The following DSE variants were observed in gnomAD, a reference collection of about 807,000 sequenced individuals.
The protein encoded by DSE is dermatan sulfate epimerase, also known as dermatan-sulfate epimerase.
A neutral mutation model predicts 84.4 loss-of-function variants in DSE; 36 were observed. That is an observed-to-expected ratio of 0.43 (90% CI 0.33 to 0.56). The LOEUF (loss-of-function observed/expected upper bound fraction) is 0.56, where lower values mean the gene tolerates loss of function less well. Ranked by LOEUF, DSE falls within the 20% of genes least tolerant of loss-of-function variation. The pLI, the probability that DSE is intolerant of heterozygous loss-of-function variation, is 0.06. For synonymous variants in DSE, 410 were observed against 430.1 expected (o/e 0.95, Z 0.58); for missense variants, 862 against 1,169.6 (o/e 0.74, Z 3.84).
chr6:116,396,520 TTTAAATGTACAG>T (rs1208944394), intron 1 of DSE, among the ~76,000 whole-genome samples: 2 of 152,230 alleles, frequency 1.3e-5, no homozygotes, highest in African/African-American at 4.8e-5. Flanking sequence ...AAATTAATAT[TTTAAATGTACAG>T]TAATGCACAA....
chr6:116,350,070 T>A (rs1209447602), intron 2 of DSE, among the ~76,000 whole-genome samples: 1 of 152,232 alleles, frequency 6.6e-6, no homozygotes, highest in Non-Finnish European at 1.5e-5. Context: ...TTTTATAGTG[T>A]TTAGGAATCT....
At chr6:116,400,507 A>C (rs909849330) in intron 2 of DSE, 7 of 152,346 alleles carry the variant, frequency 4.6e-5, no homozygotes, top group Non-Finnish European at 1.0e-4. Flanking sequence ...TTAGAAAAAA[A>C]TCAGTGAATG....
Position 116,435,696 on chromosome 6 carries a change from A to G in DSE, c.1228A>G (p.Ile410Val), listed in dbSNP as rs752910650. Residue 410 changes from isoleucine (I) to valine (V), a missense_variant, in exon 6 of 6, where the codon ATC becomes GTC. Physicochemically the swap from Ile to Val is conservative, Grantham distance 29 (BLOSUM62 3). This residue lies in a region of DSE where 309 missense variants were observed against 516.9 expected (regional missense o/e 0.60). Transcript: ENST00000644252. ...VTYGSALPAE[I>V]NRSFLSFKSG... Reference sequence around the variant, plus strand: ...TTATGGAAGTGCACTACCTGCAGAAATCAATAGATCTTTCCTTTCCTTCAA... The same window carrying G: ...TTATGGAAGTGCACTACCTGCAGAAGTCAATAGATCTTTCCTTTCCTTCAA... 46 of 1,614,132 alleles carry G rather than the reference A, an allele frequency of 2.8e-5. 1 individual carries two copies. The South Asian group carries it at 4.8e-4, about 17-fold the overall frequency.
rs555769030 is a variant in DSE at position 116,335,755 on chromosome 6, CA to C, written c.-53-63442del. ...ACGATAAATAAAAGTGCATTGATAG[CA>C]TAAGTTACTACAAGTCACTTTTCTT... On this transcript the variant is annotated intron_variant, in intron 2 of 3. Transcript: ENST00000430252. Among the ~76,000 whole-genome samples the C allele has an allele frequency of 1.4e-4, 21 of 152,290 alleles. No individual in the cohort carries two copies. In the South Asian group the frequency reaches 4.4e-3, roughly 32 times the overall value.
At chr6:116,304,210 T>C (rs1395178060) in intron 2 of DSE, among the ~76,000 whole-genome samples, 2 of 152,102 alleles carry the variant, frequency 1.3e-5, no homozygotes, top group African/African-American at 4.8e-5. Context: ...AGATACGAAG[T>C]GTCAAAGACT....
At chr6:116,267,452 G>GA (rs1278190240) in intron 2 of DSE, among the ~76,000 whole-genome samples, 9 of 149,070 alleles carry the variant, frequency 6.0e-5, no homozygotes, top group Middle Eastern at 3.4e-3. Context: ...TGAAAAAAAA[G>GA]AAAAAATATT....
chr6:116,406,673 A>AC (rs1447137355), intron 2 of DSE, among the ~76,000 whole-genome samples: 1 of 152,142 alleles, frequency 6.6e-6, no homozygotes, highest in Non-Finnish European at 1.5e-5. Flanking sequence ...AGTTCCTTTT[A>AC]CCTTAGGTAT....
intron 2 of DSE, among the ~76,000 whole-genome samples, chr6:116,406,550 A>G (rs957918986): frequency 1.3e-5 from 2 of 152,240 alleles, no homozygotes; most frequent in African/African-American, 2.4e-5. Flanking sequence ...TGAAATATTC[A>G]CGCCTAACAC....
intron 1 of DSE, among the ~76,000 whole-genome samples, chr6:116,384,006 C>A (rs1780421501): frequency 6.6e-6 from 1 of 152,010 alleles, no homozygotes; most frequent in African/African-American, 2.4e-5. Context: ...CTTTTGAATT[C>A]TCTAGATAAA....
At chr6:116,318,947 A>G (rs559599471) in intron 2 of DSE, among the ~76,000 whole-genome samples, 29 of 152,358 alleles carry the variant, frequency 1.9e-4, no homozygotes, top group African/African-American at 7.0e-4. Context: ...AATAGAGGAC[A>G]GAATGCCCAA....
chr6:116,343,286 G>A (rs2114826324), intron 2 of DSE, among the ~76,000 whole-genome samples: 1 of 152,358 alleles, frequency 6.6e-6, no homozygotes, highest in Admixed American at 6.5e-5. Context: ...CAAAAGCTCT[G>A]AAGACAGTAG....
At chr6:116,272,418 A>G (rs749864682) in intron 2 of DSE, among the ~76,000 whole-genome samples, 1 of 152,214 alleles carries the variant, frequency 6.6e-6, no homozygotes, top group Non-Finnish European at 1.5e-5. Context: ...TTGGCAAGGG[A>G]ATTTCAAAGA....
chr6:116,254,661 A>G (rs1194218519), intron 1 of DSE, among the ~76,000 whole-genome samples: 3 of 152,272 alleles, frequency 2.0e-5, no homozygotes, highest in African/African-American at 7.2e-5. Context: ...AATTTGGCCA[A>G]CATCTACAAA....
At chr6:116,434,889 A>T (rs1784054825) in intron 5 of DSE, among the ~76,000 whole-genome samples, 1 of 152,220 alleles carries the variant, frequency 6.6e-6, no homozygotes, top group Admixed American at 6.5e-5. Context: ...AATGAAAATA[A>T]GAAGTCATTT....
chr6:116,382,493 T>C (rs529016073), intron 1 of DSE, among the ~76,000 whole-genome samples: 1 of 152,336 alleles, frequency 6.6e-6, no homozygotes, highest in Admixed American at 6.5e-5. Flanking sequence ...AAAAGATATT[T>C]TGTTTTCTTC....
intron 2 of DSE, among the ~76,000 whole-genome samples, chr6:116,349,762 T>C (rs573172923): frequency 9.2e-5 from 14 of 152,324 alleles, no homozygotes; most frequent in African/African-American, 2.2e-4. Flanking sequence ...AGGGCAGATA[T>C]GTGAGTAGCT....
At chr6:116,321,155 C>T (rs1445019199) in intron 2 of DSE, among the ~76,000 whole-genome samples, 1 of 152,068 alleles carries the variant, frequency 6.6e-6, no homozygotes, top group Non-Finnish European at 1.5e-5. Flanking sequence ...AAAAAACCTA[C>T]TTATTTATTT....
intron 2 of DSE, among the ~76,000 whole-genome samples, chr6:116,299,270 T>C (rs1238032898): frequency 6.6e-6 from 1 of 152,026 alleles, no homozygotes; most frequent in African/African-American, 2.4e-5. Flanking sequence ...AATTTGTCTC[T>C]AGTTAATGTA....
chr6:116,286,115 A>G (rs1053444349), intron 2 of DSE, among the ~76,000 whole-genome samples: 1 of 152,166 alleles, frequency 6.6e-6, no homozygotes, highest in African/African-American at 2.4e-5. Flanking sequence ...CTTGGGCAGT[A>G]TGGCCATTTT....
Sources: allele counts gnomAD v4.1 joint callset (sites outside exome capture counted in the v4.1 genomes callset), GRCh38; gene constraint gnomAD v4.1.1; regional missense constraint gnomAD v4.1.1; transcripts MANE v1.5; gene names NCBI Gene and HGNC (gene_info 2026-07-23, HGNC 2026-07-21).